The following TNR variants were observed in gnomAD, a reference collection of about 807,000 sequenced individuals.
The protein encoded by TNR is tenascin R, also known as tenascin-R.
In TNR, 45 loss-of-function variants were observed where a neutral mutation model predicts 150.4. That is an observed-to-expected ratio of 0.30 (90% CI 0.24 to 0.38). The LOEUF (loss-of-function observed/expected upper bound fraction) is 0.38, where lower values mean the gene tolerates loss of function less well. Among genes scored for constraint, TNR ranks in the 10% least tolerant of loss-of-function variants. TNR has a pLI of 1.00. For missense variants in TNR, 1,544 were observed against 1,759.1 expected (o/e 0.88, Z 2.19); for synonymous variants, 687 against 678.4 (o/e 1.01, Z -0.20).
chr1:175,674,498 A>C (rs1200821064), intron 1 of TNR, among the ~76,000 whole-genome samples: 1 of 152,140 alleles, frequency 6.6e-6, no homozygotes, highest in Non-Finnish European at 1.5e-5. Flanking sequence ...ACTTCACTAC[A>C]TGCACATGTG....
intron 2 of TNR, among the ~76,000 whole-genome samples, chr1:175,446,981 T>A (rs918360332): frequency 6.6e-6 from 1 of 152,228 alleles, no homozygotes; most frequent in African/African-American, 2.4e-5. Flanking sequence ...TGTGTAATCA[T>A]GTGTATGGGC....
chr1:175,371,303 G>C (rs1422735715), intron 9 of TNR, among the ~76,000 whole-genome samples: 2 of 152,122 alleles, frequency 1.3e-5, no homozygotes, highest in African/African-American at 4.8e-5. Flanking sequence ...GTTCCTTATA[G>C]AACTTTCTTT....
intron 21 of TNR, among the ~76,000 whole-genome samples, chr1:175,325,035 C>T (rs528316296): frequency 6.6e-6 from 1 of 152,236 alleles, no homozygotes; most frequent in South Asian, 2.1e-4. Flanking sequence ...AATTCCCATC[C>T]GTAAGAAACA....
chr1:175,484,116 T>C (rs1048609965), intron 2 of TNR, among the ~76,000 whole-genome samples: 23 of 152,342 alleles, frequency 1.5e-4, no homozygotes, highest in African/African-American at 5.5e-4. Flanking sequence ...AAATAATTGT[T>C]CAATTGTATG....
intron 2 of TNR, among the ~76,000 whole-genome samples, chr1:175,416,181 C>T (rs1328200627): frequency 6.6e-6 from 1 of 152,096 alleles, no homozygotes; most frequent in East Asian, 1.9e-4. Context: ...CACAGACACA[C>T]ATACACACAT....
intron 1 of TNR, among the ~76,000 whole-genome samples, chr1:175,673,316 G>A (rs554092031): frequency 6.6e-5 from 10 of 152,316 alleles, no homozygotes; most frequent in African/African-American, 1.9e-4. Flanking sequence ...CATTTGTCCC[G>A]AGAATTAGCA....
intron 1 of TNR, among the ~76,000 whole-genome samples, chr1:175,742,957 C>T (rs1667970930): frequency 9.7e-6 from 1 of 103,014 alleles, no homozygotes; most frequent in Admixed American, 1.3e-4. Flanking sequence ...CTGTCTTATG[C>T]AACAGTACAC....
chr1:175,325,967 T>C (rs1407812303), intron 21 of TNR, among the ~76,000 whole-genome samples: 1 of 152,078 alleles, frequency 6.6e-6, no homozygotes, highest in African/African-American at 2.4e-5. Context: ...TGTATACATA[T>C]GTAACAAACC....
At chr1:175,691,858 G>A (rs1486108596) in intron 1 of TNR, among the ~76,000 whole-genome samples, 3 of 152,020 alleles carry the variant, frequency 2.0e-5, no homozygotes, top group Admixed American at 1.3e-4. Context: ...GTTTCAGGAG[G>A]GCTATCCCAT....
intron 1 of TNR, among the ~76,000 whole-genome samples, chr1:175,604,707 G>C (rs1229101070): frequency 6.6e-6 from 1 of 152,156 alleles, no homozygotes; most frequent in Non-Finnish European, 1.5e-5. Context: ...GTGTACAAAT[G>C]ATGGATTGAT....
intron 2 of TNR, among the ~76,000 whole-genome samples, chr1:175,487,209 T>G (rs906701481): frequency 1.3e-5 from 2 of 152,194 alleles, no homozygotes; most frequent in African/African-American, 2.4e-5. Context: ...ATAAGGAGCA[T>G]GCAACCTACA....
intron 20 of TNR, among the ~76,000 whole-genome samples, chr1:175,331,971 G>A (rs1649957599): frequency 1.3e-5 from 2 of 152,206 alleles, no homozygotes; most frequent in Non-Finnish European, 2.9e-5. Flanking sequence ...GCTGTTTGCT[G>A]TTGACTGAGT....
intron 1 of TNR, among the ~76,000 whole-genome samples, chr1:175,535,365 A>T (rs1208328418): frequency 6.6e-6 from 1 of 152,236 alleles, no homozygotes; most frequent in Admixed American, 6.5e-5. Flanking sequence ...AAATGTTAAC[A>T]GTGGCTCTCT....
chr1:175,689,686 A>G (rs919874823), intron 1 of TNR, among the ~76,000 whole-genome samples: 1 of 152,222 alleles, frequency 6.6e-6, no homozygotes, highest in Non-Finnish European at 1.5e-5. Flanking sequence ...CCATCCCATT[A>G]GAATGCACCA....
chr1:175,461,352 C>T lies in TNR; in HGVS notation c.-63-54575G>A, dbSNP rs145619568. On this transcript the variant is annotated intron_variant, in intron 2 of 22. Transcript: ENST00000367674. ...CAGGAGGGATGACTTTTGCTCCCAA[C>T]AAAATGTTTTACCTCCCCTGGCTCA... Among the ~76,000 whole-genome samples, 48 of 152,282 alleles carry T rather than the reference C, an allele frequency of 3.2e-4. No homozygotes were observed. In the East Asian group the frequency reaches 9.3e-3, roughly 29 times the overall value.
chr1:175,635,619 T>C (rs193298753), intron 1 of TNR, among the ~76,000 whole-genome samples: 5 of 152,350 alleles, frequency 3.3e-5, no homozygotes, highest in Admixed American at 2.6e-4. Context: ...GAATTGGTAG[T>C]GTGTGCTTCA....
At chr1:175,595,393 A>G (rs1182261698) in intron 1 of TNR, among the ~76,000 whole-genome samples, 2 of 152,192 alleles carry the variant, frequency 1.3e-5, no homozygotes, top group Non-Finnish European at 2.9e-5. Context: ...AGTATATACC[A>G]AAACTGAAAC....
chr1:175,645,453 C>T (rs918082321), intron 1 of TNR, among the ~76,000 whole-genome samples: 1 of 152,136 alleles, frequency 6.6e-6, no homozygotes, highest in African/African-American at 2.4e-5. Flanking sequence ...TTCTGTTTTG[C>T]CAAGAGAAGC....
At chr1:175,607,163 A>T (rs987152461) in intron 1 of TNR, among the ~76,000 whole-genome samples, 1 of 152,166 alleles carries the variant, frequency 6.6e-6, no homozygotes, top group African/African-American at 2.4e-5. Context: ...TCCAGTGTTT[A>T]TGAATTTGTG....
Sources: gnomAD v4.1 joint callset for allele counts (sites outside exome capture counted in the v4.1 genomes callset) on GRCh38, gnomAD v4.1.1 for gene constraint, MANE v1.5 for transcripts, NCBI Gene and HGNC (gene_info 2026-07-23, HGNC 2026-07-21) for gene names.